PCNX1: variants seen among roughly 807,000 people sequenced by gnomAD.
PCNX1 encodes pecanex 1.
Under a neutral mutation model 242.2 loss-of-function variants are expected in PCNX1, and 78 were observed. That is an observed-to-expected ratio of 0.32 (90% CI 0.27 to 0.39). The LOEUF is 0.39. PCNX1 is among the 10% of genes least tolerant of loss of function. PCNX1 has a pLI of 1.00. For synonymous variants in PCNX1, 1,024 were observed against 1,032.9 expected (o/e 0.99, Z 0.17); for missense variants, 2,581 against 2,856.5 (o/e 0.90, Z 2.20).
At chr14:70,948,759 A>ATG in intron 2 of PCNX1, among the ~76,000 whole-genome samples, 1 of 146,154 alleles carries the variant, frequency 6.8e-6, no homozygotes, top group South Asian at 2.1e-4. Context: ...ATATATGTAC[A>ATG]TATACACATA....
intron 17 of PCNX1, 22 bp downstream of exon 17, chr14:71,033,560 T>C: frequency 1.6e-6 from 2 of 1,259,100 alleles, no homozygotes; most frequent in Non-Finnish European, 2.3e-6. Context: ...CAATTGTTAT[T>C]GAATTAAAAG....
chr14:70,990,575 A>G (rs2059136119), intron 7 of PCNX1, among the ~76,000 whole-genome samples: 1 of 152,028 alleles, frequency 6.6e-6, no homozygotes. Flanking sequence ...AAAAAAAAAA[A>G]AGAACTTCGT....
chr14:71,013,641 T>C (rs1015443639), intron 11 of PCNX1, among the ~76,000 whole-genome samples: 15 of 151,694 alleles, frequency 9.9e-5, no homozygotes, highest in African/African-American at 3.6e-4. Context: ...AGTAACAGGA[T>C]TGGATTTATC....
chr14:70,917,732 G>T (rs1444398807), intron 1 of PCNX1, among the ~76,000 whole-genome samples: 1 of 152,188 alleles, frequency 6.6e-6, no homozygotes, highest in African/African-American at 2.4e-5. Flanking sequence ...ACAGTCACCA[G>T]TTGCATTAGA....
Position 71,088,482 on chromosome 14 carries a change from C to A in PCNX1, c.5438+52C>A, listed in dbSNP as rs1214296930. On this transcript the variant is annotated intron_variant, in intron 29 of 35. Transcript: ENST00000304743. The stretch of plus-strand genomic sequence containing the variant: ...AAGAGAGCATGGGAAGCTGTATAGC[C>A]TAAATCTAAAATGATTTTTCATGGA... 5.8e-6 allele frequency: 6 copies of A among 1,039,540 alleles called. No homozygotes were observed. In the African/African-American group the frequency reaches 9.4e-5, roughly 16 times the overall value. The allele number at this position is 1,039,540 out of a possible 1,614,324, so 64.4% of individuals were successfully genotyped here. A position where few individuals can be genotyped will look rare whatever the true frequency, so the allele number is the denominator to read the frequency against.
At position 71,108,943 on chromosome 14, in the gene PCNX1, C is replaced by A; in HGVS notation, c.6641C>A (p.Thr2214Lys). 6.2e-7 allele frequency: 1 copy of A among 1,614,202 alleles called. No homozygotes were observed. Among genetic ancestry groups the A allele is most frequent in the Non-Finnish European group, 8.5e-7 (1 of 1,180,034 alleles). ...KHHTLVGFLATEGGQSSATDA... is the reference protein window; with the variant it reads ...KHHTLVGFLAKEGGQSSATDA... Reference sequence around the variant, plus strand: ...CACACTCTCGTGGGCTTTCTTGCGACAGAGGGAGGTCAGAGCAGTGCCACT... The same window carrying A: ...CACACTCTCGTGGGCTTTCTTGCGAAAGAGGGAGGTCAGAGCAGTGCCACT... The change falls in exon 34 of 36, where the codon ACA (threonine) becomes AAA (lysine). Residue 2214 changes from threonine (T) to lysine (K), a missense_variant. Transcript: ENST00000304743.
intron 30 of PCNX1, among the ~76,000 whole-genome samples, chr14:71,095,333 A>G (rs1372625758): frequency 6.6e-6 from 1 of 152,332 alleles, no homozygotes; most frequent in Middle Eastern, 3.4e-3. Flanking sequence ...TGTTTGGTAC[A>G]GTGGACTGTA....
chr14:71,106,226 G>T (rs2062616511), intron 33 of PCNX1, among the ~76,000 whole-genome samples: 1 of 151,734 alleles, frequency 6.6e-6, no homozygotes, highest in African/African-American at 2.4e-5. Context: ...AACCATGTTA[G>T]CCAGAATGGT....
chr14:70,946,836 A>G (rs1594984896), intron 1 of PCNX1, 79 bp from the exon 2 acceptor site: 10 of 1,034,744 alleles, frequency 9.7e-6, no homozygotes, highest in African/African-American at 6.4e-5. Context: ...TGTGTTTATT[A>G]TTTTAGATAC....
intron 26 of PCNX1, among the ~76,000 whole-genome samples, chr14:71,060,906 G>A (rs1006089289): frequency 6.6e-5 from 10 of 152,176 alleles, no homozygotes; most frequent in Admixed American, 5.9e-4. Flanking sequence ...TGAATTTTCT[G>A]CTAGCTCTGT....
intron 19 of PCNX1, among the ~76,000 whole-genome samples, chr14:71,040,980 A>G (rs1053007063): frequency 6.6e-6 from 1 of 152,124 alleles, no homozygotes; most frequent in Non-Finnish European, 1.5e-5. Flanking sequence ...AGTTCCATCC[A>G]TGGTATAGCA....
At chr14:71,037,218 A>G (rs2060564736) in intron 19 of PCNX1, among the ~76,000 whole-genome samples, 1 of 147,348 alleles carries the variant, frequency 6.8e-6, no homozygotes, top group Admixed American at 6.8e-5. Context: ...TAGATATACA[A>G]TCATGTCATC....
intron 8 of PCNX1, among the ~76,000 whole-genome samples, chr14:71,000,124 A>G (rs1189626661): frequency 2.0e-5 from 3 of 152,200 alleles, no homozygotes; most frequent in African/African-American, 7.2e-5. Flanking sequence ...GCAACAAAGT[A>G]TATATAAATG....
At chr14:71,049,714 T>C (rs1410657448) in intron 22 of PCNX1, among the ~76,000 whole-genome samples, 4 of 152,170 alleles carry the variant, frequency 2.6e-5, no homozygotes, top group African/African-American at 9.7e-5. Flanking sequence ...ATGGCAAAAA[T>C]ACTGCAGTTC....
chr14:71,041,262 G>A (rs183100154), intron 19 of PCNX1, among the ~76,000 whole-genome samples: 2 of 152,042 alleles, frequency 1.3e-5, no homozygotes, highest in African/African-American at 4.8e-5. Flanking sequence ...ACTGTTCTCC[G>A]TAGTGGTTGT....
intron 1 of PCNX1, among the ~76,000 whole-genome samples, chr14:70,918,141 A>G (rs1320807356): frequency 6.6e-6 from 1 of 152,200 alleles, no homozygotes; most frequent in Non-Finnish European, 1.5e-5. Context: ...AGACCACTCA[A>G]ACTTTCTCCA....
chr14:70,984,719 G>A (rs547553726), intron 6 of PCNX1, among the ~76,000 whole-genome samples: 3 of 152,152 alleles, frequency 2.0e-5, no homozygotes, highest in African/African-American at 7.2e-5. Flanking sequence ...TTATCTGTGT[G>A]TATTTATACT....
intron 3 of PCNX1, among the ~76,000 whole-genome samples, chr14:70,962,683 TA>T (rs1268114892): frequency 6.7e-6 from 1 of 148,498 alleles, no homozygotes; most frequent in African/African-American, 2.6e-5. Flanking sequence ...GGCCAAAAAA[TA>T]AAAATAAATG....
chr14:70,984,449 C>T (rs1422834275), intron 6 of PCNX1, among the ~76,000 whole-genome samples: 1 of 151,078 alleles, frequency 6.6e-6, no homozygotes, highest in African/African-American at 2.4e-5. Flanking sequence ...TGCAGTGGCA[C>T]GATCTTGGCT....
Sources: gnomAD v4.1 joint callset for allele counts (sites outside exome capture counted in the v4.1 genomes callset) on GRCh38, gnomAD v4.1.1 for gene constraint, MANE v1.5 for transcripts, NCBI Gene and HGNC (gene_info 2026-07-23, HGNC 2026-07-21) for gene names.